Variants in TCTN2 observed in about 807,000 individuals in gnomAD.
TCTN2 encodes tectonic-2.
In TCTN2, 66 loss-of-function variants were observed where a neutral mutation model predicts 83.4. The ratio of observed to expected loss-of-function variants is 0.79; its 90% CI spans 0.65 to 0.97. The LOEUF (loss-of-function observed/expected upper bound fraction) is 0.97, where lower values mean the gene tolerates loss of function less well. Among genes scored for constraint, TCTN2 ranks in the 50% least tolerant of loss-of-function variants. The pLI, the probability that TCTN2 is intolerant of heterozygous loss-of-function variation, is 0.00. For synonymous variants in TCTN2, 301 were observed against 326.7 expected (o/e 0.92, Z 0.85); for missense variants, 794 against 858.1 (o/e 0.93, Z 0.93).
chr12:123,681,235 C>T (rs553325333), intron 5 of TCTN2, among the ~76,000 whole-genome samples: 14 of 136,570 alleles, frequency 1.0e-4, no homozygotes, highest in African/African-American at 3.5e-4. Context: ...TCAGCCTAGG[C>T]GACAGAGCAA....
intron 2 of TCTN2, 39 bp from the exon 3 acceptor site, chr12:123,672,017 G>A: frequency 1.3e-6 from 2 of 1,575,442 alleles, no homozygotes; most frequent in Non-Finnish European, 1.7e-6. Context: ...CTGAGCTGCT[G>A]GACCTTGCTG....
intron 4 of TCTN2, among the ~76,000 whole-genome samples, chr12:123,674,831 A>T (rs1955801519): frequency 6.6e-6 from 1 of 152,114 alleles, no homozygotes; most frequent in Admixed American, 6.5e-5. Flanking sequence ...TTTGAGGCTG[A>T]TGAAGTTTAC....
chr12:123,689,094 C>T (rs1956011757), intron 7 of TCTN2, among the ~76,000 whole-genome samples: 1 of 151,268 alleles, frequency 6.6e-6, no homozygotes, highest in Non-Finnish European at 1.5e-5. Context: ...CATAGTCTTG[C>T]TCTGTCACCT....
chr12:123,692,525 G>C, intron 8 of TCTN2, 133 bp from the exon 9 acceptor site: 1 of 724,226 alleles, frequency 1.4e-6, no homozygotes, highest in Non-Finnish European at 2.5e-6. Flanking sequence ...TTTGGGGAGT[G>C]GGGAGGGTTT....
chr12:123,693,514 G>A (rs980758801), intron 9 of TCTN2, among the ~76,000 whole-genome samples: 41 of 147,006 alleles, frequency 2.8e-4, no homozygotes, highest in African/African-American at 1.0e-3. Flanking sequence ...GTGCAGTGGT[G>A]TAATCTTGGC....
rs776101835 is a variant in TCTN2 at position 123,679,217 on chromosome 12, G to A, written c.492G>A (p.Val164=). 2.9e-5 allele frequency: 47 copies of A among 1,613,970 alleles called. No homozygotes were observed. The highest frequency in any genetic ancestry group is 3.9e-5 in the Non-Finnish European group (46 of 1,179,974). ...SENVTVIPNQ[V]YQPLGPCPCN... ...ACGTGACTGTCATTCCTAACCAGGTGTATCAGCCCCTTGGCCCTTGTCCTT... is the reference window on the plus strand; with the variant it reads ...ACGTGACTGTCATTCCTAACCAGGTATATCAGCCCCTTGGCCCTTGTCCTT... The change falls in exon 5 of 18, where the codon GTG becomes GTA. Residue 164 remains valine, a synonymous_variant. Transcript: ENST00000303372.
chr12:123,695,115 T>A, intron 10 of TCTN2, 105 bp from the exon 11 acceptor site: 1 of 1,426,958 alleles, frequency 7.0e-7, no homozygotes, highest in Non-Finnish European at 9.8e-7. Context: ...TTAACGAGAG[T>A]ACACTTTGTA....
chr12:123,698,124 C>A (rs1410756660), intron 13 of TCTN2, among the ~76,000 whole-genome samples: 3 of 152,050 alleles, frequency 2.0e-5, no homozygotes, highest in African/African-American at 7.3e-5. Context: ...CTCACTGCAG[C>A]CTCTGCCTCC....
intron 15 of TCTN2, 50 bp from the exon 16 acceptor site, chr12:123,706,676 G>T (rs760666060): frequency 6.2e-7 from 1 of 1,613,374 alleles, no homozygotes; most frequent in South Asian, 1.1e-5. Context: ...GTTCTTGGTG[G>T]AATAGAACTG....
At chr12:123,696,777 C>A in intron 12 of TCTN2, 2 of 530,630 alleles carry the variant, frequency 3.8e-6, no homozygotes, top group Non-Finnish European at 6.8e-6. Context: ...GCCTGTAGCC[C>A]AGGATGGTGC....
chr12:123,704,654 A>T lies in TCTN2; in HGVS notation c.1735A>T (p.Ile579Phe). 1 of 1,613,384 alleles carries T rather than the reference A, an allele frequency of 6.2e-7. No homozygotes were observed. The highest frequency in any genetic ancestry group is 8.5e-7 in the Non-Finnish European group (1 of 1,179,922). Reference sequence around the variant, plus strand: ...CTCGGATGCTGGCGCGGTGGAAGGGATTACTCAGCAGGAGATACTCGGTGT... The same window carrying T: ...CTCGGATGCTGGCGCGGTGGAAGGGTTTACTCAGCAGGAGATACTCGGTGT... ...LISDAGAVEGITQQEILGVET... is the reference protein window; with the variant it reads ...LISDAGAVEGFTQQEILGVET... Residue 579 changes from isoleucine to phenylalanine, a missense_variant, in exon 15 of 18, where the codon ATT (isoleucine) becomes TTT (phenylalanine). Physicochemically the swap from Ile to Phe is conservative, Grantham distance 21. Coordinates refer to ENST00000303372, the MANE Select transcript of TCTN2 (RefSeq NM_024809.5).
intron 13 of TCTN2, among the ~76,000 whole-genome samples, chr12:123,698,103 C>T (rs1216641354): frequency 2.0e-5 from 3 of 151,858 alleles, no homozygotes; most frequent in African/African-American, 7.3e-5. Flanking sequence ...AGTGCAATGG[C>T]ATAATCTCAG....
In TCTN2 at chr12:123,706,850, A is replaced by G; in HGVS notation, c.1894A>G (p.Arg632Gly). 2 of 1,614,176 alleles carry G rather than the reference A, an allele frequency of 1.2e-6. No homozygotes were observed. The highest frequency in any genetic ancestry group is 1.7e-6 in the Non-Finnish European group (2 of 1,180,026). ...IPAQLPHPLT[R>G]FQINYTEYDC... ...TGCACAGTTACCCCACCCCCTGACAAGGTACTCCAGTTGCTCACCTAGTTG... is the reference window on the plus strand; with the variant it reads ...TGCACAGTTACCCCACCCCCTGACAGGGTACTCCAGTTGCTCACCTAGTTG... Residue 632 changes from arginine (R) to glycine (G), a missense_variant and splice_region_variant, in exon 16 of 18, where the codon AGA becomes GGA. Arg to Gly is a moderately radical substitution (Grantham distance 125). Coordinates refer to ENST00000303372, the MANE Select transcript of TCTN2 (RefSeq NM_024809.5).
At chr12:123,671,707 G>C (rs1955755271) in intron 2 of TCTN2, 93 bp downstream of exon 2, 1 of 1,114,156 alleles carries the variant, frequency 9.0e-7, no homozygotes, top group Admixed American at 2.0e-5. Flanking sequence ...GGGGCCCCCT[G>C]CCTCTGTTCT....
At chr12:123,691,031 G>A (rs893954823) in intron 8 of TCTN2, among the ~76,000 whole-genome samples, 60 of 152,102 alleles carry the variant, frequency 3.9e-4, no homozygotes, top group African/African-American at 1.4e-3. Context: ...ACCATGACTG[G>A]CTAATTTTTG....
rs750800074 is a variant in TCTN2 at position 123,696,450 on chromosome 12, A to C, written c.1348A>C (p.Ile450Leu). Residue 450 changes from isoleucine to leucine, a missense_variant, in exon 12 of 18, where the codon ATC becomes CTC. Ile to Leu is a conservative substitution (Grantham distance 5, BLOSUM62 2). Transcript: ENST00000303372. ...TGGCAAGCCTGTCCGAGCTCTAAAT[A>C]TCAACAGGATGAATAATGTCACGAC... is the stretch of plus-strand genomic sequence containing the variant. ...QLGKPVRALN[I>L]NRMNNVTTLH... 1 of 1,614,202 alleles carries C rather than the reference A, an allele frequency of 6.2e-7. No homozygotes were observed. The highest frequency in any genetic ancestry group is 1.1e-5 in the South Asian group (1 of 91,086).
chr12:123,697,145 ACT>A lies in TCTN2; in HGVS notation c.1457_1458del (p.Ser486TrpfsTer9), dbSNP rs1283695945. On this transcript the variant is annotated frameshift_variant, in exon 13 of 18. Transcript: ENST00000303372. LOFTEE classifies it high-confidence loss of function. Reference sequence around the variant, plus strand: ...AACCCATTTTATTTGGAGAAAATGTACTCTCTGGATGCCTGTTAGAAGTCGGG... The same window carrying A: ...AACCCATTTTATTTGGAGAAAATGTACTCTGGATGCCTGTTAGAAGTCGGG... ...FKPILFGENV[L>X]SGCLLEVGIN... 4.3e-6 allele frequency: 7 copies of A among 1,614,058 alleles called. No individual in the cohort carries two copies. Among genetic ancestry groups the A allele is most frequent in the Non-Finnish European group, 5.1e-6 (6 of 1,179,972 alleles).
At chr12:123,679,894 C>T (rs1214712571) in intron 5 of TCTN2, among the ~76,000 whole-genome samples, 1 of 151,600 alleles carries the variant, frequency 6.6e-6, no homozygotes, top group East Asian at 2.0e-4. Flanking sequence ...CGCCCACCAC[C>T]ACGCCCAGCT....
intron 7 of TCTN2, among the ~76,000 whole-genome samples, chr12:123,689,178 C>T (rs539061714): frequency 2.2e-4 from 34 of 152,202 alleles, no homozygotes; most frequent in Non-Finnish European, 3.8e-4. Context: ...CCTCCTACCT[C>T]AGCTTCCCAA....
Sources: gnomAD v4.1 joint callset for allele counts (sites outside exome capture counted in the v4.1 genomes callset) on GRCh38, gnomAD v4.1.1 for gene constraint, MANE v1.5 for transcripts, NCBI Gene and HGNC (gene_info 2026-07-23, HGNC 2026-07-21) for gene names.